The following NEBL variants were observed in gnomAD, a reference collection of about 807,000 sequenced individuals.
NEBL encodes LIM and SH3 protein 2.
A neutral mutation model predicts 140.2 loss-of-function variants in NEBL; 122 were observed. That is an observed-to-expected ratio of 0.87 (90% CI 0.75 to 1.01). The LOEUF (loss-of-function observed/expected upper bound fraction) is 1.01. Ranked by LOEUF, NEBL falls within the 50% of genes least tolerant of loss-of-function variation. The pLI, the probability that NEBL is intolerant of heterozygous loss-of-function variation, is 0.00. For synonymous variants in NEBL, 436 were observed against 398.9 expected (o/e 1.09, Z -1.11); for missense variants, 1,365 against 1,231.3 (o/e 1.11, Z -1.62).
intron 3 of NEBL, among the ~76,000 whole-genome samples, chr10:21,238,139 G>C (rs1198933495): frequency 1.3e-5 from 2 of 152,160 alleles, no homozygotes; most frequent in Admixed American, 6.5e-5. Context: ...AGCAAAAATA[G>C]AGTCTCAACT....
At chr10:21,031,062 A>G (rs188328377) in intron 2 of NEBL, among the ~76,000 whole-genome samples, 1 of 152,340 alleles carries the variant, frequency 6.6e-6, no homozygotes, top group East Asian at 1.9e-4. Context: ...AGAAAGAATG[A>G]ACAATTCTCT....
chr10:20,939,081 C>T (rs1834683091), intron 4 of NEBL, among the ~76,000 whole-genome samples: 1 of 152,098 alleles, frequency 6.6e-6, no homozygotes, highest in African/African-American at 2.4e-5. Context: ...TCAGGAAATA[C>T]AGAGAACACC....
intron 3 of NEBL, among the ~76,000 whole-genome samples, chr10:21,188,630 C>T (rs549900909): frequency 2.1e-5 from 3 of 141,098 alleles, no homozygotes; most frequent in African/African-American, 2.7e-5. Flanking sequence ...GACAGAGTCT[C>T]GCTGTTTTCG....
At chr10:20,916,452 G>A (rs1848560440) in intron 4 of NEBL, among the ~76,000 whole-genome samples, 1 of 152,170 alleles carries the variant, frequency 6.6e-6, no homozygotes, top group Admixed American at 6.6e-5. Flanking sequence ...CCAGACTGGA[G>A]TGCAGGTGCA....
chr10:20,977,939 A>G (rs1836870636), intron 3 of NEBL, among the ~76,000 whole-genome samples: 1 of 152,212 alleles, frequency 6.6e-6, no homozygotes, highest in Non-Finnish European at 1.5e-5. Flanking sequence ...ACAAACAAGA[A>G]AATAGGATCT....
chr10:20,871,944 C>T (rs948656084), intron 5 of NEBL, among the ~76,000 whole-genome samples: 7 of 152,126 alleles, frequency 4.6e-5, no homozygotes, highest in African/African-American at 1.7e-4. Flanking sequence ...CAAAAACTGG[C>T]TCTCAGGTGA....
chr10:21,286,787 C>T (rs1184520948), intron 1 of NEBL, among the ~76,000 whole-genome samples: 8 of 151,588 alleles, frequency 5.3e-5, no homozygotes, highest in Non-Finnish European at 1.2e-4. Flanking sequence ...TGCAGTGAGC[C>T]GAGATGGCGC....
At chr10:20,853,488 C>T (rs770726071) in intron 9 of NEBL, among the ~76,000 whole-genome samples, 9 of 152,228 alleles carry the variant, frequency 5.9e-5, no homozygotes, top group South Asian at 2.1e-4. Flanking sequence ...CAAAAATGAA[C>T]GAGATCCTGC....
intron 2 of NEBL, among the ~76,000 whole-genome samples, chr10:21,109,640 TG>T (rs1212703203): frequency 3.3e-5 from 5 of 152,164 alleles, no homozygotes; most frequent in Admixed American, 2.6e-4. Context: ...GGACTTTTTT[TG>T]TTTGGTAGGC....
intron 3 of NEBL, among the ~76,000 whole-genome samples, chr10:21,236,421 C>T (rs1842351172): frequency 6.6e-6 from 1 of 150,690 alleles, no homozygotes; most frequent in African/African-American, 2.4e-5. Context: ...AATCTCAGCC[C>T]ACTGCAACCT....
chr10:21,102,232 G>A (rs990135116), intron 2 of NEBL, among the ~76,000 whole-genome samples: 4 of 152,116 alleles, frequency 2.6e-5, no homozygotes, highest in Admixed American at 6.6e-5. Flanking sequence ...ACTTAGTCTC[G>A]AAATTCTCTA....
At chr10:21,106,062 A>T (rs571834653) in intron 2 of NEBL, among the ~76,000 whole-genome samples, 1 of 151,866 alleles carries the variant, frequency 6.6e-6, no homozygotes. Flanking sequence ...AATTTGTTTA[A>T]GTTCTTTGTA....
intron 2 of NEBL, among the ~76,000 whole-genome samples, chr10:21,026,327 T>C (rs1839029622): frequency 2.5e-5 from 1 of 39,588 alleles, no homozygotes; most frequent in African/African-American, 3.8e-5. Context: ...TACAGTACAC[T>C]GTACAGCCCC....
At chr10:21,284,602 G>C (rs1190277492) in intron 1 of NEBL, among the ~76,000 whole-genome samples, 1 of 152,058 alleles carries the variant, frequency 6.6e-6, no homozygotes, top group Non-Finnish European at 1.5e-5. Context: ...AATATGGATA[G>C]CACACATAAA....
chr10:20,785,534 C>T lies in NEBL; in HGVS notation c.*213G>A. ...CAATTAGCAGCACCAGGTGTCCAGA[C>T]ACAAAGATTTTTGTTTGTAGGAATT... On this transcript the variant is annotated 3_prime_UTR_variant, in exon 28 of 28. Transcript: ENST00000377122. 1.7e-6 allele frequency: 1 copy of T among 602,174 alleles called. No homozygotes were observed. The highest frequency in any genetic ancestry group is 2.9e-6 in the Non-Finnish European group (1 of 343,032). 37.3% of individuals were successfully genotyped at this position (602,174 alleles called of 1,614,324 possible).
At chr10:20,959,716 A>G (rs1039052094) in intron 4 of NEBL, among the ~76,000 whole-genome samples, 1 of 152,082 alleles carries the variant, frequency 6.6e-6, no homozygotes, top group Admixed American at 6.6e-5. Flanking sequence ...AATATGCCTC[A>G]TATTGGCTAA....
intron 4 of NEBL, among the ~76,000 whole-genome samples, chr10:20,959,393 T>A (rs1338542625): frequency 6.6e-6 from 1 of 152,108 alleles, no homozygotes; most frequent in African/African-American, 2.4e-5. Flanking sequence ...ACAGACACAA[T>A]CCAGCCACTG....
chr10:21,006,909 A>G (rs1051671769), intron 3 of NEBL, among the ~76,000 whole-genome samples: 4 of 152,192 alleles, frequency 2.6e-5, no homozygotes, highest in African/African-American at 9.7e-5. Flanking sequence ...AGTTGACAAA[A>G]AGGCACAGGT....
At chr10:20,797,595 A>T (rs759803959) in intron 26 of NEBL, among the ~76,000 whole-genome samples, 1 of 152,164 alleles carries the variant, frequency 6.6e-6, no homozygotes, top group African/African-American at 2.4e-5. Flanking sequence ...AATGTGAATG[A>T]TTGTCTGCGT....
Sources: gnomAD v4.1 joint callset for allele counts (sites outside exome capture counted in the v4.1 genomes callset) on GRCh38, gnomAD v4.1.1 for gene constraint, MANE v1.5 for transcripts, NCBI Gene and HGNC (gene_info 2026-07-23, HGNC 2026-07-21) for gene names.